The following SLC3A2 variants were observed in gnomAD, a reference collection of about 807,000 sequenced individuals.
SLC3A2 encodes the protein solute carrier family 3 member 2, also known as amino acid transporter heavy chain SLC3A2.
In SLC3A2, 32 loss-of-function variants were observed where a neutral mutation model predicts 48.5. That is an observed-to-expected ratio of 0.66 (90% confidence interval 0.50 to 0.89). SLC3A2 has a LOEUF of 0.89. Ranked by LOEUF, SLC3A2 falls within the 40% of genes least tolerant of loss-of-function variation. The probability of loss-of-function intolerance (pLI) is 0.00; values close to 1 mark genes in which losing one functional copy is unlikely to be tolerated. For missense variants in SLC3A2, 587 were observed against 680.7 expected, an observed-to-expected ratio of 0.86 and a Z score of 1.53; for synonymous variants, 277 against 288.8, an observed-to-expected ratio of 0.96 and a Z score of 0.41.
At chr11:62,871,812 C>G (rs2085520302) in intron 1 of SLC3A2, 1 of 356,814 alleles carries the variant, frequency 2.8e-6, no homozygotes, top group Admixed American at 4.5e-5. Context: ...TTACAAAGTT[C>G]TCACCACCAG....
At chr11:62,885,150 C>A (rs1445258506) in intron 5 of SLC3A2, 27 bp from the exon 6 acceptor site, 2 of 1,611,600 alleles carry the variant, frequency 1.2e-6, no homozygotes, top group African/African-American at 2.7e-5. Flanking sequence ...CTTGTGCTAA[C>A]CTTGAACTCC....
At chr11:62,884,129 A>G (rs1264955821) in intron 3 of SLC3A2, 2 of 510,490 alleles carry the variant, frequency 3.9e-6, no homozygotes, top group Admixed American at 2.4e-5. Context: ...TAACATTCCA[A>G]TGCTAAGTGT....
At chr11:62,858,492 G>A (rs1264538584) in intron 1 of SLC3A2, among the ~76,000 whole-genome samples, 2 of 152,114 alleles carry the variant, frequency 1.3e-5, no homozygotes, top group East Asian at 1.9e-4. Flanking sequence ...CAAAGTGGGC[G>A]GATCACCTGA....
chr11:62,879,015 C>T (rs187998323), upstream of SLC3A2, among the ~76,000 whole-genome samples: 43 of 152,086 alleles, frequency 2.8e-4, no homozygotes, highest in African/African-American at 8.4e-4. Flanking sequence ...TCAAGTTATC[C>T]GCCACCCTCA....
intron 3 of SLC3A2, chr11:62,883,947 T>C: frequency 2.2e-6 from 1 of 456,076 alleles, no homozygotes; most frequent in African/African-American, 2.0e-5. Context: ...CTTTCATCCT[T>C]GGCCTTGCTC....
chr11:62,877,412 C>A (rs183960363), upstream of SLC3A2, among the ~76,000 whole-genome samples: 125 of 152,260 alleles, frequency 8.2e-4, 1 homozygote, highest in Admixed American at 8.0e-3. Flanking sequence ...ATAGTTCATC[C>A]ACTTATTTAC....
chr11:62,861,908 C>G (rs1053969369), intron 1 of SLC3A2, among the ~76,000 whole-genome samples: 2 of 129,120 alleles, frequency 1.5e-5, no homozygotes, highest in Admixed American at 1.6e-4. Flanking sequence ...CAAAACCTCT[C>G]TCAAAAAAAA....
exon 1 of SLC3A2, chr11:62,856,324 T>C: frequency 6.2e-7 from 1 of 1,613,610 alleles, no homozygotes; most frequent in East Asian, 2.2e-5. Flanking sequence ...TCCGCGCCAG[T>C]TGCCTGGCTC....
In SLC3A2 at chr11:62,881,047, T is replaced by C. The variant is rs1590632013; in HGVS notation, c.24T>C (p.Asp8=). The C allele has an allele frequency of 6.3e-7, 1 of 1,585,080 alleles. No individual in the cohort carries two copies. The highest frequency in any genetic ancestry group is 8.6e-7 in the Non-Finnish European group (1 of 1,163,408). MSQDTEV[D]MKEVELNELE... ...CCATGAGCCAGGACACCGAGGTGGA[T>C]ATGAAGGAGGTGGAGCTGAATGAGT... The change falls in exon 1 of 9, where the codon GAT becomes GAC. Residue 8 remains aspartate (D), a synonymous_variant. Transcript: ENST00000338663. This position sits in a 1 kb window ranked among gnomAD's most constrained non-coding sequence, Gnocchi z 4.0.
intron 1 of SLC3A2, among the ~76,000 whole-genome samples, chr11:62,870,568 G>A (rs2085500686): frequency 1.3e-5 from 2 of 151,608 alleles, no homozygotes; most frequent in Admixed American, 6.6e-5. Context: ...TTGGTAAATA[G>A]TTCATTCTTT....
intron 1 of SLC3A2, among the ~76,000 whole-genome samples, chr11:62,860,230 G>A (rs1004306177): frequency 6.6e-6 from 1 of 151,924 alleles, no homozygotes; most frequent in East Asian, 1.9e-4. Flanking sequence ...GGCCGGGCGC[G>A]GTGGCTCACG....
At chr11:62,865,412 G>A (rs1387730541) in intron 1 of SLC3A2, among the ~76,000 whole-genome samples, 1 of 152,000 alleles carries the variant, frequency 6.6e-6, no homozygotes, top group Non-Finnish European at 1.5e-5. Context: ...AATTAGCTGG[G>A]CATGGTGGCG....
chr11:62,856,497 G>A lies in SLC3A2; in HGVS notation c.112+116G>A, dbSNP rs1037277005. ...ACAGGATCTGATTTTTTCCTAACTG[G>A]TTCCCTATGTCCTGCCTTCTGGTGC... is the stretch of plus-strand genomic sequence containing the variant. On this transcript the variant is annotated intron_variant, in intron 1 of 9. Coordinates refer to the SLC3A2 transcript ENST00000377889. 2.5e-5 allele frequency: 21 copies of A among 857,120 alleles called. 1 individual carries two copies. The Admixed American group carries it at 2.8e-4, about 11-fold the overall frequency. 53.1% of individuals were successfully genotyped at this position (857,120 alleles called of 1,614,324 possible).
chr11:62,888,022 C>G, intron 7 of SLC3A2, 113 bp from the exon 8 acceptor site: 1 of 914,670 alleles, frequency 1.1e-6, no homozygotes, highest in Non-Finnish European at 1.7e-6. Context: ...TTTCAAATGC[C>G]TGGGCTCAAG....
chr11:62,885,505 A>G lies in SLC3A2; in HGVS notation c.1040A>G (p.Gln347Arg), dbSNP rs755711576. 2 of 1,614,144 alleles carry G rather than the reference A, an allele frequency of 1.2e-6. No individual in the cohort carries two copies. The highest frequency in any genetic ancestry group is 4.5e-5 in the East Asian group (2 of 44,882). Residue 347 changes from glutamine to arginine, a missense_variant, in exon 7 of 9, where the codon CAA (glutamine) becomes CGA (arginine). Coordinates refer to ENST00000338663, the MANE Select transcript of SLC3A2 (RefSeq NM_001013251.3). ...CTCCTGACTTCCTTCTTGCCGGCTC[A>G]ACTTCTCCGACTCTACCAGCTGATG... ...ARLLTSFLPA[Q>R]LLRLYQLMLF...
intron 1 of SLC3A2, among the ~76,000 whole-genome samples, chr11:62,869,950 T>G (rs1007195853): frequency 4.6e-5 from 7 of 150,992 alleles, no homozygotes; most frequent in African/African-American, 1.5e-4. Context: ...GCCCAGCTAA[T>G]TTTTGTATTT....
intron 1 of SLC3A2, among the ~76,000 whole-genome samples, chr11:62,856,889 G>C (rs538590306): frequency 4.0e-5 from 6 of 150,188 alleles, no homozygotes; most frequent in African/African-American, 1.5e-4. Flanking sequence ...GCAATGGCCC[G>C]ATCTCAGCTC....
chr11:62,877,861 A>G (rs1184148582), upstream of SLC3A2, among the ~76,000 whole-genome samples: 1 of 152,208 alleles, frequency 6.6e-6, no homozygotes, highest in Non-Finnish European at 1.5e-5. Context: ...TGCATGCAGA[A>G]GGAATTGACT....
chr11:62,861,829 C>T (rs1036511105), intron 1 of SLC3A2, among the ~76,000 whole-genome samples: 10 of 149,570 alleles, frequency 6.7e-5, no homozygotes, highest in Non-Finnish European at 5.9e-5. Context: ...GCAGGAGAGT[C>T]GCTTGAGAAA....
Sources: gnomAD v4.1 joint callset for allele counts (sites outside exome capture counted in the v4.1 genomes callset) on GRCh38, gnomAD v4.1.1 for gene constraint, Gnocchi (gnomAD v3.1) non-coding constraint, MANE v1.5 for transcripts, NCBI Gene and HGNC (gene_info 2026-07-23, HGNC 2026-07-21) for gene names.